The following PFKFB3 variants were observed in gnomAD, a reference collection of about 807,000 sequenced individuals.
PFKFB3 encodes 6-phosphofructo-2-kinase/fructose-2,6-biphosphatase 3.
PFKFB3 carries 33 observed loss-of-function variants against 68.0 expected under a neutral mutation model. The observed-to-expected ratio is 0.49, with a 90% CI of 0.37 to 0.65. The LOEUF is 0.65. Among genes scored for constraint, PFKFB3 ranks in the 30% least tolerant of loss-of-function variants. The pLI, the probability that PFKFB3 is intolerant of heterozygous loss-of-function variation, is 0.00. For synonymous variants in PFKFB3, 315 were observed against 288.2 expected, an observed-to-expected ratio of 1.09 and a Z score of -0.94; for missense variants, 586 against 712.2, an observed-to-expected ratio of 0.82 and a Z score of 2.02.
intron 1 of PFKFB3, chr10:6,152,166 G>C (rs992673263): frequency 6.5e-6 from 1 of 154,442 alleles, no homozygotes; most frequent in African/African-American, 2.4e-5. Flanking sequence ...GCCACTAATG[G>C]GTGGTGACCC....
At chr10:6,276,035 A>G in the PFKFB3 span, among the ~76,000 whole-genome samples, 1 of 152,130 alleles carries the variant, frequency 6.6e-6, no homozygotes, top group Non-Finnish European at 1.5e-5. Flanking sequence ...CTTGTATTTG[A>G]CAAATAGACT....
upstream of PFKFB3, among the ~76,000 whole-genome samples, chr10:6,201,807 C>T (rs1261125292): frequency 6.6e-6 from 1 of 151,906 alleles, no homozygotes; most frequent in East Asian, 1.9e-4. This position sits in a 1 kb window ranked among gnomAD's most constrained non-coding sequence, Gnocchi z 4.1. Context: ...GCAAAAGTTA[C>T]ATCCGTCCCG....
intron 8 of PFKFB3, 60 bp from the exon 9 acceptor site, chr10:6,221,321 C>A (rs917270999): frequency 1.2e-4 from 187 of 1,599,418 alleles, no homozygotes; most frequent in Non-Finnish European, 3.2e-5. Context: ...TGCTCCAGCC[C>A]TGGCTCTTGG....
Position 6,146,552 on chromosome 10 carries a change from TC to T in PFKFB3, c.16+1546del, listed in dbSNP as rs148139818. The T allele has an allele frequency of 2.8e-4, 405 of 1,460,908 alleles. 1 individual carries two copies. The highest frequency in any genetic ancestry group is 3.5e-4 in the Non-Finnish European group (377 of 1,083,368). The allele number at this position is 1,460,908 out of a possible 1,614,324, so 90.5% of individuals were successfully genotyped here. A position where few individuals can be genotyped will look rare whatever the true frequency, so the allele number is the denominator to read the frequency against. On this transcript the variant is annotated intron_variant, in intron 1 of 14. Coordinates refer to the PFKFB3 transcript ENST00000379789. ...TCTCTGGAGGCTCTCAGAGTGTCCC[TC>T]CCCCCCTACTCATTAACTGCAGGGG... is the stretch of plus-strand genomic sequence containing the variant.
At chr10:6,218,621 G>A (rs1225597442) in intron 6 of PFKFB3, among the ~76,000 whole-genome samples, 1 of 151,940 alleles carries the variant, frequency 6.6e-6, no homozygotes, top group African/African-American at 2.4e-5. Context: ...TAGAGGAGAC[G>A]GGGGTTTCAC....
chr10:6,310,933 TATC>T, the PFKFB3 span, among the ~76,000 whole-genome samples: 1 of 152,260 alleles, frequency 6.6e-6, no homozygotes, highest in Non-Finnish European at 1.5e-5. Context: ...TGCTGTTTCT[TATC>T]ATATGTGAAG....
At chr10:6,276,775 A>G in the PFKFB3 span, among the ~76,000 whole-genome samples, 1 of 152,066 alleles carries the variant, frequency 6.6e-6, no homozygotes, top group Admixed American at 6.6e-5. Flanking sequence ...ACAGTACAAT[A>G]TCACAACCAT....
chr10:6,158,130 A>C (rs1278773267), intron 1 of PFKFB3, among the ~76,000 whole-genome samples: 1,627 of 151,792 alleles, frequency 0.011, 63 homozygotes, highest in East Asian at 0.099. Context: ...CTAAAAATAA[A>C]AAAAAAAAAT....
intron 7 of PFKFB3, among the ~76,000 whole-genome samples, chr10:6,219,989 T>C (rs7915821): frequency 0.28 from 42,730 of 152,158 alleles, 6,353 homozygotes; most frequent in East Asian, 0.49. Flanking sequence ...TGTGTAGAAG[T>C]ACAGGAAGTC....
At chr10:6,218,713 G>A (rs1469877365) in intron 6 of PFKFB3, among the ~76,000 whole-genome samples, 3 of 152,164 alleles carry the variant, frequency 2.0e-5, no homozygotes, top group Non-Finnish European at 4.4e-5. Context: ...GATTACAGGC[G>A]TGAGCCACTG....
At chr10:6,324,710 A>G in the PFKFB3 span, among the ~76,000 whole-genome samples, 3 of 152,100 alleles carry the variant, frequency 2.0e-5, no homozygotes, top group Non-Finnish European at 4.4e-5. Context: ...GGTTACAGGC[A>G]TGAGCCACTG....
chr10:6,199,658 ATTTTTTT>A (rs143309528), upstream of PFKFB3, among the ~76,000 whole-genome samples: 117 of 75,598 alleles, frequency 1.5e-3, no homozygotes, highest in African/African-American at 2.2e-3. Context: ...CTATTTTTAA[ATTTTTTT>A]TTTTTTTTTT....
At chr10:6,278,979 A>G in the PFKFB3 span, among the ~76,000 whole-genome samples, 2 of 152,212 alleles carry the variant, frequency 1.3e-5, no homozygotes, top group Non-Finnish European at 2.9e-5. Context: ...GACTGCTGTT[A>G]TAGGGCTGCG....
At chr10:6,263,765 A>G in the PFKFB3 span, among the ~76,000 whole-genome samples, 2 of 152,206 alleles carry the variant, frequency 1.3e-5, no homozygotes, top group Non-Finnish European at 2.9e-5. Context: ...GGCTCACTGC[A>G]ACCTCTGCCT....
At position 6,210,358 on chromosome 10, in the gene PFKFB3, T is replaced by TTG. The variant is rs1322015688; in HGVS notation, c.77-3264_77-3263insGT. The stretch of plus-strand genomic sequence containing the variant: ...TTTGTTTTTTTTTGTTTTTTTTTGT[T>TTG]TTTTTGTTTTTTTTTTTTTTGAGAC... On this transcript the variant is annotated intron_variant, in intron 1 of 14. Coordinates refer to ENST00000379775, the MANE Select transcript of PFKFB3 (RefSeq NM_004566.4). 4.7e-3 allele frequency among the ~76,000 whole-genome samples: 151 copies of TTG among 32,396 alleles called. 10 individuals are homozygous for TTG. The highest frequency in any genetic ancestry group is 6.9e-3 in the African/African-American group (139 of 20,066). 21.3% of individuals were successfully genotyped at this position (32,396 alleles called of 152,430 possible). A position where few individuals can be genotyped will look rare whatever the true frequency, so the allele number is the denominator to read the frequency against.
downstream of PFKFB3, chr10:6,235,657 A>AG (rs1279936854): frequency 6.6e-6 from 1 of 152,328 alleles, no homozygotes; most frequent in African/African-American, 2.4e-5. Flanking sequence ...AGGATGTTCA[A>AG]GTACAGAGTG....
rs766625430 is a variant in PFKFB3 at position 6,216,141 on chromosome 10, G to T, written c.316G>T (p.Ala106Ser). The T allele has an allele frequency of 6.2e-7, 1 of 1,614,162 alleles. No homozygotes were observed. The highest frequency in any genetic ancestry group is 8.5e-7 in the Non-Finnish European group (1 of 1,179,998). ...MKVRKQCALA[A>S]LRDVKSYLAK... The stretch of plus-strand genomic sequence containing the variant: ...GCATTCCAGGCAATGTGCCTTAGCT[G>T]CCTTGAGAGATGTCAAAAGCTACCT... Residue 106 changes from alanine (A) to serine (S), a missense_variant, in exon 4 of 15, where the codon GCC becomes TCC. Physicochemically the swap from Ala to Ser is moderately conservative, Grantham distance 99. Transcript: ENST00000379775.
At chr10:6,210,422 G>A (rs1361468573) in intron 1 of PFKFB3, among the ~76,000 whole-genome samples, 4 of 99,630 alleles carry the variant, frequency 4.0e-5, no homozygotes, top group Non-Finnish European at 4.9e-5. Flanking sequence ...GTGCAGTGGC[G>A]CTATCTCGGC....
rs77648515 is a variant in PFKFB3 at position 6,228,029 on chromosome 10, C to T, written c.1515+1664C>T. 5.2e-3 allele frequency among the ~76,000 whole-genome samples: 798 copies of T among 152,248 alleles called. 36 individuals carry two copies. The East Asian group carries it at 0.1, about 19-fold the overall frequency. Reference sequence around the variant, plus strand: ...GTGGCAGGGGCTGCATCCTCCTGTCCGCTTCAGAGCTGCCCCTGGCGTTGG... The same window carrying T: ...GTGGCAGGGGCTGCATCCTCCTGTCTGCTTCAGAGCTGCCCCTGGCGTTGG... On this transcript the variant is annotated intron_variant, in intron 14 of 14. Coordinates refer to ENST00000379775, the MANE Select transcript of PFKFB3 (RefSeq NM_004566.4). The surrounding 1 kb of genome is among the most constrained non-coding windows in gnomAD (Gnocchi z 4.5).
Sources: allele counts gnomAD v4.1 joint callset (sites outside exome capture counted in the v4.1 genomes callset), GRCh38; gene constraint gnomAD v4.1.1; non-coding constraint Gnocchi (gnomAD v3.1); transcripts MANE v1.5; gene names NCBI Gene and HGNC (gene_info 2026-07-23, HGNC 2026-07-21).